DRC11: variants seen among roughly 807,000 people sequenced by gnomAD.
DRC11 encodes dynein regulatory complex subunit 11.
chr2:236,323,962 T>C, the DRC11 span, among the ~76,000 whole-genome samples: 1 of 152,208 alleles, frequency 6.6e-6, no homozygotes, highest in Non-Finnish European at 1.5e-5. This position sits in a 1 kb window ranked among gnomAD's most constrained non-coding sequence, Gnocchi z 6.4. Flanking sequence ...ATGCCATGGT[T>C]TTCATCCAGT....
At chr2:236,378,285 T>C in the DRC11 span, among the ~76,000 whole-genome samples, 2 of 152,290 alleles carry the variant, frequency 1.3e-5, no homozygotes, top group African/African-American at 2.4e-5. Flanking sequence ...AACTGTAGTG[T>C]TTTAACTTGA....
At chr2:236,331,496 T>C in the DRC11 span, 1 of 1,613,998 alleles carries the variant, frequency 6.2e-7, no homozygotes, top group Non-Finnish European at 8.5e-7. The surrounding 1 kb of genome is among the most constrained non-coding windows in gnomAD (Gnocchi z 4.8). Context: ...ACTTCGACTA[T>C]ATGTCCTTGG....
At chr2:236,338,576 G>T in the DRC11 span, among the ~76,000 whole-genome samples, 7 of 152,196 alleles carry the variant, frequency 4.6e-5, no homozygotes, top group Non-Finnish European at 7.3e-5. Context: ...GATTTTAATT[G>T]TCAGTGTTTC....
the DRC11 span, chr2:236,507,309 C>G: frequency 6.2e-7 from 1 of 1,613,276 alleles, no homozygotes; most frequent in Non-Finnish European, 8.5e-7. Context: ...CCGGGAAGCT[C>G]TTCCGTTGCT....
At chr2:236,469,146 T>C in the DRC11 span, among the ~76,000 whole-genome samples, 2 of 152,254 alleles carry the variant, frequency 1.3e-5, no homozygotes, top group East Asian at 3.8e-4. This position sits in a 1 kb window ranked among gnomAD's most constrained non-coding sequence, Gnocchi z 5.8. Context: ...GTTCCCATCT[T>C]ACATATTCCT....
At chr2:236,432,253 C>G in the DRC11 span, among the ~76,000 whole-genome samples, 1 of 152,074 alleles carries the variant, frequency 6.6e-6, no homozygotes, top group African/African-American at 2.4e-5. Context: ...AAATCTTTTG[C>G]CTGTTTTTTG....
At chr2:236,344,053 G>C in the DRC11 span, among the ~76,000 whole-genome samples, 1 of 151,714 alleles carries the variant, frequency 6.6e-6, no homozygotes, top group Non-Finnish European at 1.5e-5. Flanking sequence ...ATTTGCTGGT[G>C]ATTTGTGGGG....
At chr2:236,467,311 T>C in the DRC11 span, among the ~76,000 whole-genome samples, 114 of 152,340 alleles carry the variant, frequency 7.5e-4, no homozygotes, top group Non-Finnish European at 1.1e-3. Flanking sequence ...TGATCTTTCA[T>C]GACTCTGAGC....
At chr2:236,421,872 C>T in the DRC11 span, among the ~76,000 whole-genome samples, 2 of 152,172 alleles carry the variant, frequency 1.3e-5, no homozygotes, top group Non-Finnish European at 2.9e-5. Flanking sequence ...ATCAAGTGGG[C>T]TTCATCCCTG....
At chr2:236,422,070 G>A in the DRC11 span, among the ~76,000 whole-genome samples, 2 of 152,076 alleles carry the variant, frequency 1.3e-5, no homozygotes, top group Admixed American at 6.6e-5. Context: ...AATAATAAGA[G>A]CTATCTATGA....
the DRC11 span, among the ~76,000 whole-genome samples, chr2:236,352,732 T>A: frequency 1.3e-5 from 2 of 152,172 alleles, no homozygotes; most frequent in East Asian, 3.8e-4. This position sits in a 1 kb window ranked among gnomAD's most constrained non-coding sequence, Gnocchi z 7.0. Flanking sequence ...CTTGTTCATG[T>A]CATATGAAAG....
the DRC11 span, among the ~76,000 whole-genome samples, chr2:236,389,727 C>T: frequency 3.0e-4 from 45 of 152,210 alleles, no homozygotes; most frequent in African/African-American, 1.0e-3. Context: ...AATTTCCCTG[C>T]GAATTTTTTT....
the DRC11 span, among the ~76,000 whole-genome samples, chr2:236,341,035 C>T: frequency 1.3e-5 from 2 of 152,334 alleles, no homozygotes; most frequent in Admixed American, 6.5e-5. Context: ...AACCGCCGCC[C>T]CTACCGCGGG....
At chr2:236,417,345 A>G in the DRC11 span, among the ~76,000 whole-genome samples, 6 of 152,232 alleles carry the variant, frequency 3.9e-5, no homozygotes, top group African/African-American at 1.2e-4. Context: ...CAGGGTTCCC[A>G]GACACAGTCT....
chr2:236,329,633 G>C, the DRC11 span, among the ~76,000 whole-genome samples: 5 of 152,192 alleles, frequency 3.3e-5, no homozygotes, highest in African/African-American at 1.2e-4. Context: ...TTATTCAGGA[G>C]AGTGTGAGGG....
chr2:236,496,954 A>C, the DRC11 span, among the ~76,000 whole-genome samples: 1 of 152,188 alleles, frequency 6.6e-6, no homozygotes. The surrounding 1 kb of genome is among the most constrained non-coding windows in gnomAD (Gnocchi z 6.3). Flanking sequence ...ACAGCCAAGA[A>C]GTGTGCAGAT....
chr2:236,493,098 C>T, the DRC11 span, among the ~76,000 whole-genome samples: 6 of 152,144 alleles, frequency 3.9e-5, no homozygotes, highest in Admixed American at 1.3e-4. Flanking sequence ...AGGGAGGCCT[C>T]ACAATCATGG....
At chr2:236,358,123 AAT>A in the DRC11 span, among the ~76,000 whole-genome samples, 1 of 118,928 alleles carries the variant, frequency 8.4e-6, no homozygotes, top group Non-Finnish European at 1.6e-5. Flanking sequence ...ACACTATATG[AAT>A]ATATATTTAT....
the DRC11 span, among the ~76,000 whole-genome samples, chr2:236,439,663 T>C: frequency 2.8e-4 from 43 of 152,288 alleles, no homozygotes; most frequent in Admixed American, 9.8e-4. Context: ...AAAACAATGA[T>C]AAAATTATCA....
Sources: allele counts gnomAD v4.1 joint callset (sites outside exome capture counted in the v4.1 genomes callset), GRCh38; gene constraint gnomAD v4.1.1; non-coding constraint Gnocchi (gnomAD v3.1); transcripts MANE v1.5; gene names NCBI Gene and HGNC (gene_info 2026-07-23, HGNC 2026-07-21).